BAIAP3: variants seen among roughly 807,000 people sequenced by gnomAD.
The protein encoded by BAIAP3 is BAI1-associated protein 3.
BAIAP3 carries 180 observed loss-of-function variants against 149.7 expected under a neutral mutation model. That is an observed-to-expected ratio of 1.20 (90% confidence interval 1.07 to 1.36). The LOEUF (loss-of-function observed/expected upper bound fraction) is 1.36. Ranked by LOEUF, BAIAP3 falls within the 40% of genes most tolerant of loss-of-function variation. The pLI, the probability that BAIAP3 is intolerant of heterozygous loss-of-function variation, is 0.00. For synonymous variants in BAIAP3, 845 were observed against 670.7 expected, an observed-to-expected ratio of 1.26 and a Z score of -4.02; for missense variants, 1,767 against 1,563.4, an observed-to-expected ratio of 1.13 and a Z score of -2.20.
intron 2 of BAIAP3, 83 bp downstream of exon 2, chr16:1,338,763 C>T (rs1266026595): frequency 8.7e-5 from 136 of 1,570,432 alleles, no homozygotes; most frequent in Non-Finnish European, 1.1e-4. Flanking sequence ...TGCCCCAGCA[C>T]CCCTGGGCGG....
chr16:1,348,079 C>A lies in BAIAP3; in HGVS notation c.3150-17C>A. On this transcript the variant is annotated splice_polypyrimidine_tract_variant and intron_variant, in intron 32 of 33. Coordinates refer to ENST00000426824, the MANE Select transcript of BAIAP3 (RefSeq NM_001199097.2). ...CAGGCTGCCGGAGCGAGACTCCCGA[C>A]TGGCCTCTGTCCGCAGTTCCGTGCC... 2 of 1,547,572 alleles carry A rather than the reference C, an allele frequency of 1.3e-6. No homozygotes were observed. Among genetic ancestry groups the A allele is most frequent in the Non-Finnish European group, 1.8e-6 (2 of 1,139,678 alleles).
rs137898398 is a variant in BAIAP3, at chr16:1,349,130, G to A, written c.*648G>A. 2,995 of 430,926 alleles carry A rather than the reference G, an allele frequency of 7.0e-3. 17 individuals are homozygous for A. Among genetic ancestry groups the A allele is most frequent in the Admixed American group, 0.01 (267 of 25,656 alleles). The allele number at this position is 430,926 out of a possible 1,614,324, so 26.7% of individuals were successfully genotyped here. A position where few individuals can be genotyped will look rare whatever the true frequency, so the allele number is the denominator to read the frequency against. On this transcript the variant is annotated 3_prime_UTR_variant, in exon 34 of 34. Transcript: ENST00000426824. ...TGCCAACTGGTCAGCTGTCCTTCAC[G>A]CACATATCCGTGGCCACCTGAGACC...
chr16:1,335,928 T>G (rs1163682355), intron 1 of BAIAP3, among the ~76,000 whole-genome samples: 3 of 152,168 alleles, frequency 2.0e-5, no homozygotes, highest in Non-Finnish European at 4.4e-5. Flanking sequence ...TTTGCCCATC[T>G]GAGATGCAGG....
In BAIAP3 at chr16:1,348,134, G is replaced by T. The variant is rs1041479822; in HGVS notation, c.3188G>T (p.Cys1063Phe). ...GAGGCGTGCCGCCGCCGCGCGGCCT[G>T]TGTGTTGTTCACCGTCATGGACCAC... ...PAEACRRRAACVLFTVMDHDW... is the reference protein window; with the variant it reads ...PAEACRRRAAFVLFTVMDHDW... Residue 1063 changes from cysteine (C) to phenylalanine (F), a missense_variant, in exon 33 of 34, where the codon TGT (cysteine) becomes TTT (phenylalanine). Cys to Phe is a radical substitution (Grantham distance 205). Coordinates refer to ENST00000426824, the MANE Select transcript of BAIAP3 (RefSeq NM_001199097.2). The T allele has an allele frequency of 1.9e-6, 3 of 1,606,638 alleles. No homozygotes were observed. Among genetic ancestry groups the T allele is most frequent in the Non-Finnish European group, 1.7e-6 (2 of 1,179,708 alleles).
intron 4 of BAIAP3, 85 bp downstream of exon 4, chr16:1,339,329 G>A: frequency 1.3e-6 from 2 of 1,523,294 alleles, no homozygotes; most frequent in Non-Finnish European, 1.8e-6. Context: ...TGTGCACAGG[G>A]TCTGGTGATG....
In BAIAP3 at chr16:1,341,033, G is replaced by A. The variant is rs371154500; in HGVS notation, c.468+52G>A. ...ACTGACCAGCACGTGCCTGCGTGGC[G>A]GGGGCACGGGGCAAGGCCCTGTCAC... is the stretch of plus-strand genomic sequence containing the variant. On this transcript the variant is annotated intron_variant, in intron 6 of 33. Transcript: ENST00000426824. 1.6e-4 allele frequency: 258 copies of A among 1,609,928 alleles called. No individual in the cohort carries two copies. The African/African-American group carries it at 1.7e-3, about 10-fold the overall frequency.
Position 1,342,625 on chromosome 16 carries a change from CACT to C in BAIAP3, c.1059_1061del (p.Thr354del). 1.9e-6 allele frequency: 3 copies of C among 1,582,810 alleles called. No individual in the cohort carries two copies. The highest frequency in any genetic ancestry group is 2.6e-6 in the Non-Finnish European group (3 of 1,165,180). On this transcript the variant is annotated inframe_deletion, in exon 12 of 34. Coordinates refer to ENST00000426824, the MANE Select transcript of BAIAP3 (RefSeq NM_001199097.2). ...ACTGCCACCTGGTTCTCAAGCTGAT[CACT>C]ACGCAGGTGGGGAAAGTGGGCGTCC...
At position 1,341,864 on chromosome 16, in the gene BAIAP3, C is replaced by T; in HGVS notation, c.774C>T (p.Ile258=). ...GCACGGACCAGCTGCACCTGGACATCTGGTACAGGCCCCTGCGCCATGCAG... is the reference window on the plus strand; with the variant it reads ...GCACGGACCAGCTGCACCTGGACATTTGGTACAGGCCCCTGCGCCATGCAG... ...DVSTDQLHLD[I]WDHDDDVSLV... Residue 258 remains isoleucine (I), a splice_region_variant and synonymous_variant, in exon 9 of 34, where the codon ATC becomes ATT. Transcript: ENST00000426824. 6.2e-7 allele frequency: 1 copy of T among 1,612,366 alleles called. No homozygotes were observed. The highest frequency in any genetic ancestry group is 8.5e-7 in the Non-Finnish European group (1 of 1,179,770).
intron 15 of BAIAP3, 128 bp downstream of exon 15, chr16:1,343,641 T>C: frequency 1.4e-6 from 2 of 1,397,740 alleles, no homozygotes; most frequent in Admixed American, 2.3e-5. Context: ...GGACAAACTG[T>C]ATGACGTGGG....
intron 9 of BAIAP3, 29 bp from the exon 10 acceptor site, chr16:1,341,957 C>T: frequency 2.5e-6 from 4 of 1,582,470 alleles, no homozygotes; most frequent in Middle Eastern, 1.7e-4. Context: ...GGGCTCCAGA[C>T]AAGCCAGGTC....
chr16:1,338,958 G>A lies in BAIAP3; in HGVS notation c.188G>A (p.Gly63Glu), dbSNP rs145548563. 175 of 1,613,108 alleles carry A rather than the reference G, an allele frequency of 1.1e-4. 1 individual carries two copies. In the Middle Eastern group the frequency reaches 1.5e-3, roughly 14 times the overall value. Residue 63 changes from glycine to glutamate, a missense_variant, in exon 3 of 34, where the codon GGG becomes GAG. By Grantham distance (98) the Gly-to-Glu change is moderately conservative (BLOSUM62 -2). Coordinates refer to ENST00000426824, the MANE Select transcript of BAIAP3 (RefSeq NM_001199097.2). Reference sequence around the variant, plus strand: ...CACATGCGCCTCATGCTGAAGAAGGGGGAAGGCAGACAGGGCTTGCCGTGC... The same window carrying A: ...CACATGCGCCTCATGCTGAAGAAGGAGGAAGGCAGACAGGGCTTGCCGTGC... The part of the protein sequence containing the change: ...FAHMRLMLKK[G>E]EGRQGLPCLE...
chr16:1,343,094 G>C, intron 14 of BAIAP3, 78 bp downstream of exon 14: 1 of 1,336,208 alleles, frequency 7.5e-7, no homozygotes. Context: ...CATGCGGTGA[G>C]TGGATGTCGT....
chr16:1,340,157 GAC>G (rs1491421446), intron 5 of BAIAP3, among the ~76,000 whole-genome samples: 323 of 106,038 alleles, frequency 3.0e-3, no homozygotes, highest in Non-Finnish European at 4.5e-3. Context: ...GGTGCACACA[GAC>G]ACACGCACAC....
intron 5 of BAIAP3, among the ~76,000 whole-genome samples, chr16:1,339,871 A>ACACGCACACAGGCTGCAGGTGCACACG (rs2033755756): frequency 1.0e-5 from 1 of 98,092 alleles, no homozygotes; most frequent in Middle Eastern, 4.4e-3. Context: ...AGGTGCACAC[A>ACACGCACACAGGCTGCAGGTGCACACG]GACACACGCA....
At chr16:1,339,273 G>T (rs773508188) in intron 4 of BAIAP3, 29 bp downstream of exon 4, 2 of 1,549,452 alleles carry the variant, frequency 1.3e-6, no homozygotes, top group Admixed American at 2.0e-5. Context: ...ACCAGGGGCA[G>T]TCGTCTGCAG....
intron 1 of BAIAP3, among the ~76,000 whole-genome samples, chr16:1,333,964 G>T (rs907905029): frequency 1.1e-4 from 16 of 152,004 alleles, no homozygotes; most frequent in Admixed American, 3.9e-4. Context: ...GCGGGGTCTC[G>T]GGGGCATTTC....
chr16:1,338,998 G>A lies in BAIAP3; in HGVS notation c.219+9G>A, dbSNP rs775137248. The stretch of plus-strand genomic sequence containing the variant: ...GCTTGCCGTGCCTCGAGGTAAGGGT[G>A]CCACCCCCAGGGCCCGATACCACAG... On this transcript the variant is annotated intron_variant, in intron 3 of 33. Transcript: ENST00000426824. 3.1e-6 allele frequency: 5 copies of A among 1,612,588 alleles called. No homozygotes were observed. The highest frequency in any genetic ancestry group is 4.2e-6 in the Non-Finnish European group (5 of 1,179,750).
rs746877487 is a variant in BAIAP3, at chr16:1,346,895, G to A, written c.2691G>A (p.Ala897=). The change falls in exon 28 of 34, where the codon GCG becomes GCA. Residue 897 remains alanine, a synonymous_variant. Transcript: ENST00000426824. ...TACTCCTCCAGGCCATTCTGCAGGC[G>A]CTGGGTGCAAACCGTGACGTCTCTG... is the stretch of plus-strand genomic sequence containing the variant. The part of the protein sequence containing the change: ...WELLLQAILQ[A]LGANRDVSAD... 56 of 1,610,846 alleles carry A rather than the reference G, an allele frequency of 3.5e-5. No individual in the cohort carries two copies. Among genetic ancestry groups the A allele is most frequent in the East Asian group, 6.7e-5 (3 of 44,872 alleles).
chr16:1,344,618 G>A lies in BAIAP3; in HGVS notation c.1677G>A (p.Leu559=). Residue 559 remains leucine, a synonymous_variant, in exon 19 of 34, where the codon CTG becomes CTA. Coordinates refer to ENST00000426824, the MANE Select transcript of BAIAP3 (RefSeq NM_001199097.2). ...CCTTGCAGCCAGGACCACAGCGCCT[G>A]CCTGGGCTGGTTGTGCTGGCTGACG... The part of the protein sequence containing the change: ...SPREQPGPQR[L]PGLVVLADAV... 2 of 1,613,196 alleles carry A rather than the reference G, an allele frequency of 1.2e-6. No homozygotes were observed. The highest frequency in any genetic ancestry group is 1.7e-6 in the Non-Finnish European group (2 of 1,180,022).
Sources: gnomAD v4.1 joint callset for allele counts (sites outside exome capture counted in the v4.1 genomes callset) on GRCh38, gnomAD v4.1.1 for gene constraint, MANE v1.5 for transcripts, NCBI Gene and HGNC (gene_info 2026-07-23, HGNC 2026-07-21) for gene names.